The following GSG1L variants were observed in gnomAD, a reference collection of about 807,000 sequenced individuals.
GSG1L encodes the protein germ cell-specific gene 1-like protein.
GSG1L carries 24 observed loss-of-function variants against 42.1 expected under a neutral mutation model. The ratio of observed to expected loss-of-function variants is 0.57; its 90% CI spans 0.41 to 0.80. The LOEUF is 0.80. Ranked by LOEUF, GSG1L falls within the 30% of genes least tolerant of loss-of-function variation. The pLI is 0.00. For missense variants in GSG1L, 445 were observed against 472.2 expected, an observed-to-expected ratio of 0.94 and a Z score of 0.53; for synonymous variants, 215 against 203.5, an observed-to-expected ratio of 1.06 and a Z score of -0.48.
chr16:27,827,903 C>T (rs11644499), intron 5 of GSG1L, among the ~76,000 whole-genome samples: 116 of 70,008 alleles, frequency 1.7e-3, no homozygotes, highest in African/African-American at 3.7e-3. Flanking sequence ...TCCATCCATC[C>T]CTTCACCTAC....
At chr16:27,896,516 C>T (rs2084193782) in intron 2 of GSG1L, among the ~76,000 whole-genome samples, 1 of 152,136 alleles carries the variant, frequency 6.6e-6, no homozygotes, top group Non-Finnish European at 1.5e-5. Context: ...ACACGTTTAC[C>T]TATGTAACAA....
chr16:27,860,844 C>T (rs776874693), intron 3 of GSG1L, among the ~76,000 whole-genome samples: 1 of 152,166 alleles, frequency 6.6e-6, no homozygotes, highest in Non-Finnish European at 1.5e-5. Context: ...CAGAAAGGGC[C>T]AGTGGGAGGC....
At chr16:27,898,678 CTCTCTCTCTCTCTCTCTCTG>C (rs1453055510) in intron 2 of GSG1L, among the ~76,000 whole-genome samples, 3 of 47,816 alleles carry the variant, frequency 6.3e-5, no homozygotes, top group Non-Finnish European at 1.3e-4. Flanking sequence ...CCCTCTTTCT[CTCTCTCTCTCTCTCTCTCTG>C]TCTCTCTCTC....
chr16:27,925,548 C>T (rs1197409686), intron 2 of GSG1L, among the ~76,000 whole-genome samples: 5 of 152,016 alleles, frequency 3.3e-5, no homozygotes, highest in Non-Finnish European at 7.4e-5. Flanking sequence ...GCTGAGCTTT[C>T]GGGGAGAGAA....
intron 3 of GSG1L, among the ~76,000 whole-genome samples, chr16:27,883,295 G>A (rs987813210): frequency 2.6e-5 from 4 of 151,506 alleles, no homozygotes; most frequent in Admixed American, 6.6e-5. Context: ...CAAGCTCTCC[G>A]TCCTTGGACA....
intron 6 of GSG1L, among the ~76,000 whole-genome samples, chr16:27,792,264 TG>T (rs2082764025): frequency 6.6e-6 from 1 of 152,216 alleles, no homozygotes; most frequent in African/African-American, 2.4e-5. Flanking sequence ...AAGTCCTTGC[TG>T]GACCCCAGAA....
At chr16:27,862,845 G>A (rs764497224) in intron 3 of GSG1L, among the ~76,000 whole-genome samples, 1 of 152,152 alleles carries the variant, frequency 6.6e-6, no homozygotes, top group Non-Finnish European at 1.5e-5. Flanking sequence ...TGAAAACAGA[G>A]CAGGCTGAGT....
intron 1 of GSG1L, among the ~76,000 whole-genome samples, chr16:27,998,816 A>C (rs943544591): frequency 6.6e-6 from 1 of 151,964 alleles, no homozygotes; most frequent in Non-Finnish European, 1.5e-5. Context: ...TTAAAAAAAA[A>C]AACAACCCAA....
intron 5 of GSG1L, among the ~76,000 whole-genome samples, chr16:27,826,471 A>C (rs1425347260): frequency 2.6e-5 from 4 of 152,116 alleles, no homozygotes; most frequent in Non-Finnish European, 4.4e-5. Flanking sequence ...CATCTCCTTC[A>C]GCTCCCCCAG....
At chr16:27,957,082 C>T (rs778993425) in intron 2 of GSG1L, among the ~76,000 whole-genome samples, 9 of 152,220 alleles carry the variant, frequency 5.9e-5, no homozygotes, top group Non-Finnish European at 1.2e-4. Context: ...GGTGCGGTGG[C>T]TCATGCCTGT....
At chr16:27,985,012 C>T (rs972849148) in intron 1 of GSG1L, among the ~76,000 whole-genome samples, 1 of 152,166 alleles carries the variant, frequency 6.6e-6, no homozygotes, top group Non-Finnish European at 1.5e-5. Flanking sequence ...CCCGCCCCAG[C>T]CTCCCAAAGT....
At chr16:27,806,475 C>T (rs1336974342) in intron 6 of GSG1L, among the ~76,000 whole-genome samples, 1 of 152,178 alleles carries the variant, frequency 6.6e-6, no homozygotes, top group Non-Finnish European at 1.5e-5. Context: ...TTACAAGGTA[C>T]AGGGAAATTG....
chr16:28,055,498 G>T (rs205417), intron 1 of GSG1L, among the ~76,000 whole-genome samples: 84,117 of 150,852 alleles, frequency 0.56, 23,749 homozygotes, highest in Admixed American at 0.65. Context: ...TTAAGACGGA[G>T]TCTTGCTCTG....
intron 1 of GSG1L, among the ~76,000 whole-genome samples, chr16:27,966,281 T>C (rs1227862157): frequency 1.3e-5 from 2 of 152,162 alleles, no homozygotes; most frequent in Admixed American, 1.3e-4. Context: ...GTGTGTACAG[T>C]GACTGCTTAA....
At chr16:27,994,726 T>C (rs1442409630) in intron 1 of GSG1L, among the ~76,000 whole-genome samples, 1 of 152,062 alleles carries the variant, frequency 6.6e-6, no homozygotes, top group Admixed American at 6.6e-5. Context: ...TGGCTAGAAA[T>C]AAATTAATAA....
At chr16:27,828,666 C>A (rs932886964) in intron 5 of GSG1L, 123 bp downstream of exon 5, 4 of 876,212 alleles carry the variant, frequency 4.6e-6, no homozygotes, top group African/African-American at 3.4e-5. Flanking sequence ...CTGCCTCCCC[C>A]CTCCATAACC....
At chr16:27,900,368 G>A (rs1295338535) in intron 2 of GSG1L, among the ~76,000 whole-genome samples, 1 of 152,240 alleles carries the variant, frequency 6.6e-6, no homozygotes, top group Non-Finnish European at 1.5e-5. Context: ...GCTGAGGCAG[G>A]TGAAGAAGTT....
intron 1 of GSG1L, among the ~76,000 whole-genome samples, chr16:28,021,921 T>C (rs149299278): frequency 0.012 from 1,855 of 152,292 alleles, 49 homozygotes; most frequent in African/African-American, 0.042. Flanking sequence ...CCTCACAGCA[T>C]GGTGCCTGAC....
intron 2 of GSG1L, among the ~76,000 whole-genome samples, chr16:27,897,412 C>T (rs1427287837): frequency 6.6e-6 from 1 of 152,174 alleles, no homozygotes; most frequent in Non-Finnish European, 1.5e-5. Flanking sequence ...GATCTTCCCA[C>T]CTCAGCCTCC....
Sources: gnomAD v4.1 joint callset for allele counts (sites outside exome capture counted in the v4.1 genomes callset) on GRCh38, gnomAD v4.1.1 for gene constraint, MANE v1.5 for transcripts, NCBI Gene and HGNC (gene_info 2026-07-23, HGNC 2026-07-21) for gene names.